EED: variants seen among roughly 807,000 people sequenced by gnomAD.
The protein encoded by EED is polycomb protein EED.
A neutral mutation model predicts 61.0 loss-of-function variants in EED; 9 were observed. That is an observed-to-expected ratio of 0.15 (90% CI 0.09 to 0.26). The LOEUF (loss-of-function observed/expected upper bound fraction) is 0.26, where lower values mean the gene tolerates loss of function less well. Among genes scored for constraint, EED ranks in the 10% least tolerant of loss-of-function variants. The probability of loss-of-function intolerance (pLI) is 1.00; values close to 1 mark genes in which losing one functional copy is unlikely to be tolerated. For missense variants in EED, 315 were observed against 542.3 expected (o/e 0.58, Z 4.16); for synonymous variants, 187 against 174.4 (o/e 1.07, Z -0.57).
chr11:86,258,964 T>C (rs1259093395), intron 6 of EED, among the ~76,000 whole-genome samples: 1 of 151,910 alleles, frequency 6.6e-6, no homozygotes, highest in African/African-American at 2.4e-5. Flanking sequence ...CCTCCTGGGT[T>C]CAGGTGATTC....
At position 86,260,294 on chromosome 11, in the gene EED, C is replaced by T. The variant is rs561025511; in HGVS notation, c.634+2698C>T. On this transcript the variant is annotated intron_variant, in intron 6 of 11. Transcript: ENST00000263360. ...CCAGGCTATAGTAGAGTGATGTGAT[C>T]ACAGCTCACTGTAGCTTGAGCTCCT... Among the ~76,000 whole-genome samples, 5 of 152,184 alleles carry T rather than the reference C, an allele frequency of 3.3e-5. No individual in the cohort carries two copies. The South Asian group carries it at 1.0e-3, about 32-fold the overall frequency.
At chr11:86,254,930 T>G (rs1431454892) in intron 3 of EED, among the ~76,000 whole-genome samples, 1 of 152,244 alleles carries the variant, frequency 6.6e-6, no homozygotes, top group Non-Finnish European at 1.5e-5. Flanking sequence ...CTAATATTTA[T>G]TTTTTAATAG....
At position 86,276,965 on chromosome 11, in the gene EED, C is replaced by T. The variant is rs1187212290; in HGVS notation, c.967-15C>T. 1 of 1,469,262 alleles carries T rather than the reference C, an allele frequency of 6.8e-7. No individual in the cohort carries two copies. The highest frequency in any genetic ancestry group is 1.5e-5 in the South Asian group (1 of 66,870). The allele number at this position is 1,469,262 out of a possible 1,614,324, so 91.0% of individuals were successfully genotyped here. A position where few individuals can be genotyped will look rare whatever the true frequency, so the allele number is the denominator to read the frequency against. On this transcript the variant is annotated splice_polypyrimidine_tract_variant and intron_variant, in intron 9 of 11. Coordinates refer to ENST00000263360, the MANE Select transcript of EED (RefSeq NM_003797.5). Reference sequence around the variant, plus strand: ...TCATTAACATTTCTTTTTCTCATTTCTCTCTCTGTTTTAGTCTTGTGAAAA... The same window carrying T: ...TCATTAACATTTCTTTTTCTCATTTTTCTCTCTGTTTTAGTCTTGTGAAAA...
At chr11:86,254,072 A>AAAG (rs1945605999) in intron 3 of EED, among the ~76,000 whole-genome samples, 1 of 150,116 alleles carries the variant, frequency 6.7e-6, no homozygotes. Context: ...AAAAAAAAAA[A>AAAG]AAAGAAAATG....
chr11:86,279,550 T>G (rs967915131), downstream of EED, among the ~76,000 whole-genome samples: 13 of 151,802 alleles, frequency 8.6e-5, no homozygotes, highest in African/African-American at 2.9e-4. Context: ...AGCAGAGGAG[T>G]GAAGAAAGCC....
the EED span, among the ~76,000 whole-genome samples, chr11:86,286,400 A>G: frequency 2.6e-5 from 4 of 152,170 alleles, no homozygotes; most frequent in Non-Finnish European, 5.9e-5. Context: ...GGGGTGAGAA[A>G]GGAATAAGAG....
intron 9 of EED, chr11:86,276,330 T>C (rs1263042466): frequency 6.6e-6 from 1 of 152,226 alleles, no homozygotes; most frequent in African/African-American, 2.4e-5. Context: ...TTGAAGCCTA[T>C]TTCAATCCTA....
intron 9 of EED, among the ~76,000 whole-genome samples, chr11:86,272,915 C>T (rs1289503305): frequency 6.6e-6 from 1 of 152,074 alleles, no homozygotes; most frequent in Non-Finnish European, 1.5e-5. Flanking sequence ...TTTCATTTCT[C>T]TCTGAGTTTT....
chr11:86,282,746 C>T (rs1946337683), downstream of EED, among the ~76,000 whole-genome samples: 1 of 152,130 alleles, frequency 6.6e-6, no homozygotes, highest in Non-Finnish European at 1.5e-5. Context: ...GCCATACAGT[C>T]TCGTCATAAC....
In EED at chr11:86,250,578, GT is replaced by G. The variant is rs35137499; in HGVS notation, c.267+141del. 0.36 allele frequency: 309,809 copies of G among 866,284 alleles called. 39,557 individuals are homozygous for G. The highest frequency in any genetic ancestry group is 0.37 in the Non-Finnish European group (243,377 of 656,104). The allele number at this position is 866,284 out of a possible 1,614,324, so 53.7% of individuals were successfully genotyped here. A position where few individuals can be genotyped will look rare whatever the true frequency, so the allele number is the denominator to read the frequency against. On this transcript the variant is annotated intron_variant, in intron 2 of 11. Transcript: ENST00000263360. ...TTAAAGTTACAATGTTTTCTGAAGGGTTTTTTTTTTTGTAGTTCAGACTGCG... is the reference window on the plus strand; with the variant it reads ...TTAAAGTTACAATGTTTTCTGAAGGGTTTTTTTTTTGTAGTTCAGACTGCG...
intron 3 of EED, among the ~76,000 whole-genome samples, chr11:86,254,990 G>A (rs908810165): frequency 6.6e-6 from 1 of 152,194 alleles, no homozygotes; most frequent in African/African-American, 2.4e-5. Context: ...TGAAATATAA[G>A]TTTAAAAGAT....
chr11:86,264,563 A>G (rs558085130), intron 7 of EED: 6 of 239,412 alleles, frequency 2.5e-5, no homozygotes, highest in African/African-American at 1.3e-4. Flanking sequence ...TTGTTTTGCC[A>G]TTTCGCAGTT....
chr11:86,247,732 G>A (rs1299010749), intron 1 of EED, among the ~76,000 whole-genome samples: 1 of 152,202 alleles, frequency 6.6e-6, no homozygotes, highest in Non-Finnish European at 1.5e-5. Context: ...ATAAAAATGA[G>A]TTTAGAAAAG....
rs759130955 is a variant in EED at position 86,250,365 on chromosome 11, G to A, written c.184G>A (p.Ala62Thr). The A allele has an allele frequency of 3.7e-5, 60 of 1,608,290 alleles. No homozygotes were observed. The highest frequency in any genetic ancestry group is 4.9e-5 in the Non-Finnish European group (58 of 1,177,662). ...TGATACACCTACAAACACGCCAAAT[G>A]CACCTGGAAGGAAAAGTTGGGGAAA... is the stretch of plus-strand genomic sequence containing the variant. Reference protein sequence around the residue: ...RPDTPTNTPNAPGRKSWGKGK... With the variant: ...RPDTPTNTPNTPGRKSWGKGK... Residue 62 changes from alanine to threonine, a missense_variant, in exon 2 of 12, where the codon GCA (alanine) becomes ACA (threonine). Ala to Thr is a moderately conservative substitution (Grantham distance 58, BLOSUM62 0). Coordinates refer to ENST00000263360, the MANE Select transcript of EED (RefSeq NM_003797.5).
chr11:86,249,381 GAA>G (rs34097493), intron 1 of EED, among the ~76,000 whole-genome samples: 11 of 125,570 alleles, frequency 8.8e-5, no homozygotes, highest in Non-Finnish European at 1.0e-4. Context: ...GCATTTCATG[GAA>G]AAAAAAAAAA....
intron 6 of EED, among the ~76,000 whole-genome samples, chr11:86,260,977 C>G (rs534488121): frequency 6.6e-6 from 1 of 151,556 alleles, no homozygotes; most frequent in South Asian, 2.1e-4. Flanking sequence ...ACTCTCATGA[C>G]CTAACGCTTC....
intron 8 of EED, among the ~76,000 whole-genome samples, chr11:86,267,070 A>G (rs1285174482): frequency 6.6e-6 from 1 of 152,208 alleles, no homozygotes; most frequent in African/African-American, 2.4e-5. Context: ...GGACAATGTT[A>G]AATTTATATT....
chr11:86,269,965 T>C (rs1946074016), intron 9 of EED: 1 of 575,022 alleles, frequency 1.7e-6, no homozygotes, highest in African/African-American at 1.9e-5. Context: ...AGCAGTTGTG[T>C]CCAGGTTTTT....
intron 6 of EED, among the ~76,000 whole-genome samples, chr11:86,260,635 G>A (rs762102318): frequency 1.3e-5 from 2 of 152,144 alleles, no homozygotes; most frequent in Non-Finnish European, 1.5e-5. Context: ...TATGTTTTCA[G>A]CTTACTGTAA....
Sources: gnomAD v4.1 joint callset for allele counts (sites outside exome capture counted in the v4.1 genomes callset) on GRCh38, gnomAD v4.1.1 for gene constraint, MANE v1.5 for transcripts, NCBI Gene and HGNC (gene_info 2026-07-23, HGNC 2026-07-21) for gene names.